The following PPEF1 variants were observed in gnomAD, a reference collection of about 807,000 sequenced individuals.
PPEF1 encodes serine/threonine-protein phosphatase with EF-hands 1.
Under a neutral mutation model 53.3 loss-of-function variants are expected in PPEF1, and 12 were observed. The observed-to-expected ratio is 0.23, with a 90% CI of 0.14 to 0.36. The LOEUF is 0.36. Among genes scored for constraint, PPEF1 ranks in the 10% least tolerant of loss-of-function variants. PPEF1 has a pLI of 1.00. For missense variants in PPEF1, 334 were observed against 490.4 expected (o/e 0.68, Z 3.01); for synonymous variants, 165 against 176.7 (o/e 0.93, Z 0.52).
At position 18,803,906 on chromosome X, in the gene PPEF1, G is replaced by A. The variant is rs372792970; in HGVS notation, c.1080G>A (p.Leu360=). ...GTTGTTCCAAGATTATTGATATTCT[G>A]TGGAGTGATCCCAGAGGCAAAAATG... ...EHEWEQIIDI[L]WSDPRGKNGC... Residue 360 remains leucine (L), a synonymous_variant, in exon 11 of 16, where the codon CTG becomes CTA. Transcript: ENST00000470157. 34 of 1,207,377 alleles carry A rather than the reference G, an allele frequency of 2.8e-5. No homozygotes were observed. The highest frequency in any genetic ancestry group is 3.8e-5 in the Non-Finnish European group (34 of 893,021).
chrX:18,803,889 A>C lies in PPEF1; in HGVS notation c.1066-3A>C. ...ACAGCGAAATCTGGTTTGTTGTTCC[A>C]AGATTATTGATATTCTGTGGAGTGA... On this transcript the variant is annotated splice_region_variant and splice_polypyrimidine_tract_variant and intron_variant, in intron 10 of 15. Coordinates refer to ENST00000470157, the MANE Select transcript of PPEF1 (RefSeq NM_001377996.1). 8.4e-7 allele frequency: 1 copy of C among 1,190,010 alleles called. No homozygotes were observed. Among genetic ancestry groups the C allele is most frequent in the Non-Finnish European group, 1.1e-6 (1 of 885,788 alleles).
chrX:18,792,829 A>T (rs925934262), intron 10 of PPEF1, among the ~76,000 whole-genome samples: 1 of 111,785 alleles, frequency 8.9e-6, no homozygotes, highest in African/African-American at 3.2e-5. Context: ...ATACGGGCTG[A>T]AAGGCCCTGT....
chrX:18,715,226 C>G (rs2044427463), intron 1 of PPEF1, among the ~76,000 whole-genome samples: 1 of 109,942 alleles, frequency 9.1e-6, no homozygotes, highest in Non-Finnish European at 1.9e-5. Context: ...CTGAGTGAGA[C>G]CCTGACTCTT....
At chrX:18,760,506 A>C (rs1273356585) in intron 5 of PPEF1, among the ~76,000 whole-genome samples, 1 of 111,694 alleles carries the variant, frequency 9.0e-6, no homozygotes, top group Non-Finnish European at 1.9e-5. Flanking sequence ...TATGGTAGGC[A>C]CTTGGGGATT....
At chrX:18,767,079 T>G (rs2045790169) in intron 6 of PPEF1, among the ~76,000 whole-genome samples, 1 of 109,248 alleles carries the variant, frequency 9.2e-6, no homozygotes, top group Admixed American at 9.7e-5. Context: ...GAAAAGAAAA[T>G]TAAAAGACAG....
intron 6 of PPEF1, among the ~76,000 whole-genome samples, chrX:18,776,960 A>G (rs2045979255): frequency 8.9e-6 from 1 of 112,610 alleles, no homozygotes; most frequent in Non-Finnish European, 1.9e-5. Flanking sequence ...TAGAATTAGA[A>G]ATAACATGGT....
chrX:18,726,302 G>A (rs1196616128), intron 1 of PPEF1, among the ~76,000 whole-genome samples: 2 of 110,383 alleles, frequency 1.8e-5, no homozygotes, highest in Admixed American at 9.8e-5. Flanking sequence ...GCAGTGAGCC[G>A]AGATCGTGGC....
chrX:18,697,734 T>G (rs1197383865), intron 4 of PPEF1: 3 of 111,879 alleles, frequency 2.7e-5, no homozygotes, highest in African/African-American at 9.8e-5. Context: ...TTTTTTTCTC[T>G]GCCATTTGTG....
intron 5 of PPEF1, among the ~76,000 whole-genome samples, chrX:18,759,616 A>G (rs2045618000): frequency 8.9e-6 from 1 of 111,802 alleles, no homozygotes; most frequent in African/African-American, 3.2e-5. Context: ...AAAATATTAA[A>G]CTAAGTAAAG....
chrX:18,752,478 C>A (rs2045464395), intron 4 of PPEF1, among the ~76,000 whole-genome samples: 1 of 110,201 alleles, frequency 9.1e-6, no homozygotes, highest in Admixed American at 9.8e-5. Flanking sequence ...GATTTGGGTG[C>A]CTTTTGTTTC....
At chrX:18,772,903 C>A (rs1457444284) in intron 6 of PPEF1, among the ~76,000 whole-genome samples, 1 of 112,994 alleles carries the variant, frequency 8.9e-6, no homozygotes, top group East Asian at 2.8e-4. Context: ...ATGGGCTTCT[C>A]CACAAGGCTG....
chrX:18,730,111 A>T, intron 1 of PPEF1, 70 bp from the exon 2 acceptor site: 1 of 1,070,726 alleles, frequency 9.3e-7, no homozygotes, highest in Admixed American at 3.1e-5. Flanking sequence ...TTTCCACTGA[A>T]GCACCTACTT....
chrX:18,824,619 T>A (rs1799964089), intron 14 of PPEF1, among the ~76,000 whole-genome samples: 1 of 111,521 alleles, frequency 9.0e-6, no homozygotes, highest in Admixed American at 9.6e-5. Context: ...TACTGGATTT[T>A]TTTTTGTAAG....
At chrX:18,715,817 G>T (rs1306865661) in intron 1 of PPEF1, among the ~76,000 whole-genome samples, 3 of 112,045 alleles carry the variant, frequency 2.7e-5, no homozygotes, top group Non-Finnish European at 3.8e-5. Flanking sequence ...ATGCTACCCT[G>T]ACTTGGAGAA....
chrX:18,720,192 T>C (rs1315923479), intron 1 of PPEF1, among the ~76,000 whole-genome samples: 1 of 110,558 alleles, frequency 9.0e-6, no homozygotes, highest in Admixed American at 9.7e-5. Flanking sequence ...GGCAGAGGAG[T>C]TGTTCCAGAA....
intron 11 of PPEF1, among the ~76,000 whole-genome samples, 180 bp from the exon 12 acceptor site, chrX:18,806,221 TGG>T (rs2046659304): frequency 1.8e-5 from 2 of 111,491 alleles, no homozygotes; most frequent in African/African-American, 6.5e-5. Context: ...CTGGGGACAC[TGG>T]GTAGTAGCCT....
chrX:18,755,763 T>G (rs1012339315), intron 4 of PPEF1, among the ~76,000 whole-genome samples: 1 of 111,486 alleles, frequency 9.0e-6, no homozygotes, highest in African/African-American at 3.3e-5. Flanking sequence ...TCTATGGATT[T>G]GTCTAATATG....
chrX:18,825,167 T>G (rs2047143135), intron 14 of PPEF1, among the ~76,000 whole-genome samples: 1 of 112,004 alleles, frequency 8.9e-6, no homozygotes, highest in African/African-American at 3.2e-5. Flanking sequence ...CAGTTAAATA[T>G]GACATTGAGC....
intron 1 of PPEF1, among the ~76,000 whole-genome samples, chrX:18,683,364 T>A (rs1001284369): frequency 9.0e-6 from 1 of 111,320 alleles, no homozygotes; most frequent in African/African-American, 3.3e-5. Flanking sequence ...CTAGCAGATA[T>A]TGAGGAAAAG....
Sources: gnomAD v4.1 joint callset for allele counts (sites outside exome capture counted in the v4.1 genomes callset) on GRCh38, gnomAD v4.1.1 for gene constraint, MANE v1.5 for transcripts, NCBI Gene and HGNC (gene_info 2026-07-23, HGNC 2026-07-21) for gene names.